KCNQ1: variants seen among roughly 807,000 people sequenced by gnomAD.
KCNQ1 encodes the protein potassium voltage-gated channel subfamily Q member 1.
A neutral mutation model predicts 72.4 loss-of-function variants in KCNQ1; 49 were observed. The ratio of observed to expected loss-of-function variants is 0.68; its 90% CI spans 0.54 to 0.86. KCNQ1 has a LOEUF of 0.86. Ranked by LOEUF, KCNQ1 falls within the 40% of genes least tolerant of loss-of-function variation. The pLI is 0.00. For synonymous variants in KCNQ1, 450 were observed against 412.6 expected (o/e 1.09, Z -1.10); for missense variants, 790 against 945.1 (o/e 0.84, Z 2.15).
At position 2,483,300 on chromosome 11, in the gene KCNQ1, T is replaced by A. The variant is rs538455289; in HGVS notation, c.386+37816T>A. Among the ~76,000 whole-genome samples, 292 of 152,250 alleles carry A rather than the reference T, an allele frequency of 1.9e-3. No individual in the cohort carries two copies. The highest frequency in any genetic ancestry group is 6.5e-3 in the African/African-American group (272 of 41,542). On this transcript the variant is annotated intron_variant, in intron 1 of 15. Transcript: ENST00000155840. This position sits in a 1 kb window ranked among gnomAD's most constrained non-coding sequence, Gnocchi z 6.1. ...CAGTCCTCTCTTGGCTTCTGTACTTTAAAAAAATCATTTTGTTTTGAAGCA... is the reference window on the plus strand; with the variant it reads ...CAGTCCTCTCTTGGCTTCTGTACTTAAAAAAAATCATTTTGTTTTGAAGCA...
chr11:2,643,825 T>C (rs760331945), intron 10 of KCNQ1: 1 of 398,594 alleles, frequency 2.5e-6, no homozygotes. Flanking sequence ...GGAAATACTT[T>C]ATTTCTCCTT....
intron 15 of KCNQ1, among the ~76,000 whole-genome samples, chr11:2,788,951 A>G (rs1487153752): frequency 6.6e-6 from 1 of 152,150 alleles, no homozygotes; most frequent in Non-Finnish European, 1.5e-5. Context: ...CCCTGGGGCC[A>G]GGTTGAGTCT....
intron 2 of KCNQ1, among the ~76,000 whole-genome samples, chr11:2,561,538 G>A (rs962962505): frequency 2.6e-5 from 4 of 152,222 alleles, no homozygotes; most frequent in African/African-American, 7.2e-5. Context: ...TAGGAGGTGG[G>A]CACTGCTGGT....
intron 2 of KCNQ1, among the ~76,000 whole-genome samples, chr11:2,531,069 C>G (rs777390097): frequency 6.6e-6 from 1 of 152,170 alleles, no homozygotes; most frequent in Admixed American, 6.5e-5. Flanking sequence ...CCACAGCGTC[C>G]AAGTTCAGGT....
intron 11 of KCNQ1, among the ~76,000 whole-genome samples, chr11:2,717,321 G>A (rs1042972912): frequency 6.6e-6 from 1 of 152,086 alleles, no homozygotes; most frequent in Admixed American, 6.5e-5. Context: ...TGAGAGCCTC[G>A]ACAGCCAGGC....
chr11:2,467,892 C>T (rs1032318112), intron 1 of KCNQ1, among the ~76,000 whole-genome samples: 15 of 152,350 alleles, frequency 9.8e-5, no homozygotes, highest in African/African-American at 3.6e-4. Context: ...CTGTGACCTC[C>T]GAGTCCAGGC....
intron 11 of KCNQ1, among the ~76,000 whole-genome samples, chr11:2,744,570 A>C (rs1300287637): frequency 6.6e-6 from 1 of 152,146 alleles, no homozygotes; most frequent in Non-Finnish European, 1.5e-5. Context: ...CCTGGGCCCC[A>C]TGCCATGCCA....
chr11:2,537,599 T>TGA lies in KCNQ1; in HGVS notation c.477+9581_477+9582insGA, dbSNP rs1371006109. Among the ~76,000 whole-genome samples the TGA allele has an allele frequency of 6.6e-6, 1 of 152,060 alleles. No homozygotes were observed. The highest frequency in any genetic ancestry group is 1.5e-5 in the Non-Finnish European group (1 of 68,034). On this transcript the variant is annotated intron_variant, in intron 2 of 15. Transcript: ENST00000155840. This position sits in a 1 kb window ranked among gnomAD's most constrained non-coding sequence, Gnocchi z 5.2. ...TCTCAGGCTTGTCAGAACGAGCAGC[T>TGA]CCCAGGCACCCTCTGCCAGGTCAGC...
At chr11:2,556,914 C>G (rs950070657) in intron 2 of KCNQ1, among the ~76,000 whole-genome samples, 4 of 152,180 alleles carry the variant, frequency 2.6e-5, no homozygotes, top group Non-Finnish European at 1.5e-5. Context: ...AGGGAGAAGT[C>G]AACAGAGTCA....
Position 2,450,370 on chromosome 11 carries a change from C to T in KCNQ1, c.386+4886C>T, listed in dbSNP as rs150691069. Among the ~76,000 whole-genome samples, 241 of 152,236 alleles carry T rather than the reference C, an allele frequency of 1.6e-3. No homozygotes were observed. The highest frequency in any genetic ancestry group is 5.6e-3 in the African/African-American group (232 of 41,550). On this transcript the variant is annotated intron_variant, in intron 1 of 15. Transcript: ENST00000155840. This position sits in a 1 kb window ranked among gnomAD's most constrained non-coding sequence, Gnocchi z 7.9. ...GCATGGTGTCGGCCCGGGGAGATGC[C>T]GCAGAGAAGCTTCCAGAAGCCCAAC...
intron 11 of KCNQ1, among the ~76,000 whole-genome samples, chr11:2,737,338 C>G (rs1845974638): frequency 6.6e-6 from 1 of 152,176 alleles, no homozygotes; most frequent in Non-Finnish European, 1.5e-5. Context: ...AGCCACCTCT[C>G]TGTCCCAGGA....
In KCNQ1 at chr11:2,735,964, C is replaced by T. The variant is rs541947439; in HGVS notation, c.1515-32880C>T. ...GGAGGAGGTGGGTGAGAGGACCCCA[C>T]GCCCTTCCTCCAGTGTGTCTGGAGC... On this transcript the variant is annotated intron_variant, in intron 11 of 15. Transcript: ENST00000155840. The surrounding 1 kb of genome is among the most constrained non-coding windows in gnomAD (Gnocchi z 7.7). Among the ~76,000 whole-genome samples, 22 of 152,330 alleles carry T rather than the reference C, an allele frequency of 1.4e-4. 1 individual carries two copies. The South Asian group carries it at 4.4e-3, about 30-fold the overall frequency.
At chr11:2,554,642 A>G (rs530913064) in intron 2 of KCNQ1, among the ~76,000 whole-genome samples, 13 of 152,166 alleles carry the variant, frequency 8.5e-5, no homozygotes, top group African/African-American at 3.1e-4. Context: ...CAAAGATCAG[A>G]CTTTCTCTGT....
At chr11:2,795,640 C>A (rs953200965) in intron 15 of KCNQ1, among the ~76,000 whole-genome samples, 2 of 152,256 alleles carry the variant, frequency 1.3e-5, no homozygotes, top group African/African-American at 4.8e-5. Flanking sequence ...AAGCCCGCCC[C>A]TAATTCTGCC....
At position 2,446,363 on chromosome 11, in the gene KCNQ1, C is replaced by G. The variant is rs993627434; in HGVS notation, c.386+879C>G. Among the ~76,000 whole-genome samples, 3 of 152,192 alleles carry G rather than the reference C, an allele frequency of 2.0e-5. No individual in the cohort carries two copies. Among genetic ancestry groups the G allele is most frequent in the African/African-American group, 7.2e-5 (3 of 41,456 alleles). On this transcript the variant is annotated intron_variant, in intron 1 of 15. Transcript: ENST00000155840. The surrounding 1 kb of genome is among the most constrained non-coding windows in gnomAD (Gnocchi z 8.8). The stretch of plus-strand genomic sequence containing the variant: ...CAGCGGCCTTTTGGTGTGGTGCCAG[C>G]CTCTGGCCTGGGAGCCTCTACCCAG...
Position 2,647,408 on chromosome 11 carries a change from C to G in KCNQ1, c.1394-14553C>G, listed in dbSNP as rs889537087. The G allele has an allele frequency of 7.5e-6, 3 of 398,310 alleles. No individual in the cohort carries two copies. The highest frequency in any genetic ancestry group is 6.2e-5 in the African/African-American group (3 of 48,606). The allele number at this position is 398,310 out of a possible 1,614,324, so 24.7% of individuals were successfully genotyped here. A position where few individuals can be genotyped will look rare whatever the true frequency, so the allele number is the denominator to read the frequency against. ...GTGTGTCTGTGTGTGTGTTTTGTTTCTGAGGATTCTGCATCTATGTTCATC... is the reference window on the plus strand; with the variant it reads ...GTGTGTCTGTGTGTGTGTTTTGTTTGTGAGGATTCTGCATCTATGTTCATC... On this transcript the variant is annotated intron_variant, in intron 10 of 15. Transcript: ENST00000155840. The surrounding 1 kb of genome is among the most constrained non-coding windows in gnomAD (Gnocchi z 4.0).
chr11:2,467,107 T>C (rs537676009), intron 1 of KCNQ1, among the ~76,000 whole-genome samples: 200 of 152,042 alleles, frequency 1.3e-3, no homozygotes, highest in African/African-American at 4.7e-3. Flanking sequence ...GAGCAAGCTG[T>C]GGCTGGAGAG....
intron 11 of KCNQ1, among the ~76,000 whole-genome samples, chr11:2,763,187 C>A (rs192512967): frequency 6.6e-6 from 1 of 152,172 alleles, no homozygotes; most frequent in Admixed American, 6.5e-5. Flanking sequence ...CATACTATAT[C>A]CCCAAGTCAA....
In KCNQ1 at chr11:2,585,278, C is replaced by T; in HGVS notation, c.1099C>T (p.Gln367Ter). The T allele has an allele frequency of 6.2e-7, 1 of 1,614,022 alleles. No individual in the cohort carries two copies. The highest frequency in any genetic ancestry group is 8.5e-7 in the Non-Finnish European group (1 of 1,180,004). The change falls in exon 8 of 16, where the codon CAG (glutamine) becomes TAG (stop). Residue 367 changes from glutamine (Q) to a stop codon, truncating the protein, a stop_gained. Coordinates refer to ENST00000155840, the MANE Select transcript of KCNQ1 (RefSeq NM_000218.3). LOFTEE classifies it high-confidence loss of function. Reference sequence around the variant, plus strand: ...GCAGAGGCAGAAGCACTTCAACCGGCAGATCCCGGCGGCAGCCTCACTCAT... The same window carrying T: ...GCAGAGGCAGAAGCACTTCAACCGGTAGATCCCGGCGGCAGCCTCACTCAT... ...QKQRQKHFNRQIPAAASLIQT... is the reference protein window; with the variant it reads ...QKQRQKHFNR
Sources: gnomAD v4.1 joint callset for allele counts (sites outside exome capture counted in the v4.1 genomes callset) on GRCh38, gnomAD v4.1.1 for gene constraint, Gnocchi (gnomAD v3.1) non-coding constraint, MANE v1.5 for transcripts, NCBI Gene and HGNC (gene_info 2026-07-23, HGNC 2026-07-21) for gene names.